Variants in EPHA5 observed in about 807,000 individuals in gnomAD.
EPHA5 encodes EPH receptor A5, also known as ephrin type-A receptor 5.
EPHA5 carries 60 observed loss-of-function variants against 105.0 expected under a neutral mutation model. The observed-to-expected ratio is 0.57, with a 90% CI of 0.46 to 0.71. EPHA5 has a LOEUF of 0.71. Ranked by LOEUF, EPHA5 falls within the 30% of genes least tolerant of loss-of-function variation. EPHA5 has a pLI of 0.00. For synonymous variants in EPHA5, 513 were observed against 449.1 expected (o/e 1.14, Z -1.80); for missense variants, 1,218 against 1,274.7 (o/e 0.96, Z 0.68).
At chr4:65,333,977 C>T (rs773668361) in intron 15 of EPHA5, among the ~76,000 whole-genome samples, 2 of 151,698 alleles carry the variant, frequency 1.3e-5, no homozygotes, top group Non-Finnish European at 2.9e-5. Context: ...ATTCAACTTC[C>T]AATATATTGT....
intron 11 of EPHA5, among the ~76,000 whole-genome samples, chr4:65,359,769 C>T (rs1717094463): frequency 6.6e-6 from 1 of 151,608 alleles, no homozygotes; most frequent in Non-Finnish European, 1.5e-5. Context: ...TGCCTCCCTG[C>T]TTCAACACTG....
At chr4:65,521,254 C>T (rs1316822151) in intron 3 of EPHA5, among the ~76,000 whole-genome samples, 1 of 152,056 alleles carries the variant, frequency 6.6e-6, no homozygotes, top group Non-Finnish European at 1.5e-5. Flanking sequence ...AACCATCATT[C>T]TCAGCAAACT....
At chr4:65,397,091 T>C (rs1721315383) in intron 8 of EPHA5, among the ~76,000 whole-genome samples, 1 of 152,212 alleles carries the variant, frequency 6.6e-6, no homozygotes, top group Non-Finnish European at 1.5e-5. Flanking sequence ...ACTTTGGCCC[T>C]GTCCAATTTG....
At chr4:65,342,478 CTCTT>C (rs745626984) in intron 14 of EPHA5, among the ~76,000 whole-genome samples, 5 of 151,724 alleles carry the variant, frequency 3.3e-5, no homozygotes, top group Admixed American at 6.6e-5. Flanking sequence ...AACATACTGA[CTCTT>C]TATTTTAGCA....
At chr4:65,504,236 A>G (rs1732777719) in intron 3 of EPHA5, among the ~76,000 whole-genome samples, 1 of 151,312 alleles carries the variant, frequency 6.6e-6, no homozygotes, top group Non-Finnish European at 1.5e-5. Flanking sequence ...TATTCCAAAA[A>G]TGGCAAAATA....
intron 5 of EPHA5, among the ~76,000 whole-genome samples, chr4:65,440,042 CACTAAT>C (rs1455082471): frequency 6.6e-6 from 1 of 151,946 alleles, no homozygotes; most frequent in East Asian, 1.9e-4. Flanking sequence ...AAATACTTGA[CACTAAT>C]ACTATGTTTT....
chr4:65,632,858 T>A (rs1412713118), intron 2 of EPHA5, among the ~76,000 whole-genome samples: 3 of 152,036 alleles, frequency 2.0e-5, no homozygotes, highest in Non-Finnish European at 4.4e-5. Flanking sequence ...AGCTGTACCT[T>A]GAAAAAATGA....
chr4:65,351,675 C>T lies in EPHA5; in HGVS notation c.2236-77G>A, dbSNP rs892034814. On this transcript the variant is annotated intron_variant, in intron 12 of 16. Coordinates refer to ENST00000613740, the MANE Select transcript of EPHA5 (RefSeq NM_001281766.3). Reference sequence around the variant, plus strand: ...AAATATGAGAGGTCTGTATTCAATCCCCCAAATTGATACTATCAGTCGCTA... The same window carrying T: ...AAATATGAGAGGTCTGTATTCAATCTCCCAAATTGATACTATCAGTCGCTA... 3.1e-6 allele frequency: 4 copies of T among 1,290,784 alleles called. No individual in the cohort carries two copies. In the African/African-American group the frequency reaches 4.4e-5, roughly 14 times the overall value. 80.0% of individuals were successfully genotyped at this position (1,290,784 alleles called of 1,614,324 possible). A position where few individuals can be genotyped will look rare whatever the true frequency, so the allele number is the denominator to read the frequency against.
At chr4:65,585,051 T>C (rs1741981817) in intron 3 of EPHA5, among the ~76,000 whole-genome samples, 1 of 151,758 alleles carries the variant, frequency 6.6e-6, no homozygotes, top group South Asian at 2.1e-4. Flanking sequence ...CTTACCAACG[T>C]GTTATCTTCA....
chr4:65,407,556 G>A (rs552281669), intron 7 of EPHA5, among the ~76,000 whole-genome samples: 25 of 151,786 alleles, frequency 1.6e-4, no homozygotes, highest in South Asian at 2.1e-4. Context: ...ACATCAAATC[G>A]CAAACATTAA....
chr4:65,615,006 A>C (rs760431275), intron 2 of EPHA5, among the ~76,000 whole-genome samples: 2 of 151,874 alleles, frequency 1.3e-5, no homozygotes, highest in Non-Finnish European at 3.0e-5. Context: ...ATAATAAAGA[A>C]AAATGTAAAA....
At chr4:65,529,832 C>A (rs1735592876) in intron 3 of EPHA5, among the ~76,000 whole-genome samples, 3 of 152,010 alleles carry the variant, frequency 2.0e-5, no homozygotes, top group Admixed American at 1.3e-4. Context: ...ACTCAATGAT[C>A]CATTCTTACA....
intron 3 of EPHA5, among the ~76,000 whole-genome samples, chr4:65,597,279 A>G (rs965416947): frequency 1.3e-5 from 2 of 152,172 alleles, no homozygotes; most frequent in Admixed American, 1.3e-4. Context: ...ACTTCATTCC[A>G]CTAGCAACTG....
intron 9 of EPHA5, 121 bp downstream of exon 9, chr4:65,367,236 T>TAAAA: frequency 1.5e-6 from 1 of 664,588 alleles, no homozygotes; most frequent in Non-Finnish European, 2.3e-6. Context: ...AGAACACTTT[T>TAAAA]AAAAAAAAAA....
rs1231282271 is a variant in EPHA5, at chr4:65,538,390, A to G, written c.911-42847T>C. On this transcript the variant is annotated intron_variant, in intron 3 of 16. Coordinates refer to ENST00000613740, the MANE Select transcript of EPHA5 (RefSeq NM_001281766.3). ...GTTATGGATGCACATTTAATATACA[A>G]TGCCCCCACACTTCATTCCCTTCCT... Among the ~76,000 whole-genome samples the G allele has an allele frequency of 7.2e-5, 11 of 151,732 alleles. No homozygotes were observed. In the Admixed American group the frequency reaches 7.3e-4, roughly 10 times the overall value.
chr4:65,628,348 T>A (rs907527147), intron 2 of EPHA5, among the ~76,000 whole-genome samples: 2 of 152,060 alleles, frequency 1.3e-5, no homozygotes, highest in Non-Finnish European at 2.9e-5. Flanking sequence ...TGAACTTCAA[T>A]GTATGAATAA....
chr4:65,530,044 G>A (rs762687301), intron 3 of EPHA5, among the ~76,000 whole-genome samples: 1 of 152,044 alleles, frequency 6.6e-6, no homozygotes, highest in Non-Finnish European at 1.5e-5. Flanking sequence ...CAGGTGCCAG[G>A]TGAATACAGA....
At chr4:65,403,891 G>T (rs1722099703) in intron 8 of EPHA5, among the ~76,000 whole-genome samples, 1 of 152,060 alleles carries the variant, frequency 6.6e-6, no homozygotes, top group Non-Finnish European at 1.5e-5. Context: ...AAAATGTTTG[G>T]TCATTTTCCA....
intron 5 of EPHA5, among the ~76,000 whole-genome samples, chr4:65,483,613 C>G (rs890754423): frequency 1.3e-5 from 2 of 152,102 alleles, no homozygotes; most frequent in Non-Finnish European, 2.9e-5. Context: ...TAACATTGAT[C>G]TTGGTGGATT....
Sources: allele counts gnomAD v4.1 joint callset (sites outside exome capture counted in the v4.1 genomes callset), GRCh38; gene constraint gnomAD v4.1.1; transcripts MANE v1.5; gene names NCBI Gene and HGNC (gene_info 2026-07-23, HGNC 2026-07-21).